Variants in ARB2A observed in about 807,000 individuals in gnomAD.
ARB2A encodes the protein cotranscriptional regulator ARB2A.
At chr5:93,699,721 G>A in the ARB2A span, among the ~76,000 whole-genome samples, 31 of 152,074 alleles carry the variant, frequency 2.0e-4, no homozygotes, top group East Asian at 5.4e-3. Flanking sequence ...GCGACTGCCA[G>A]TAAAGACAAC....
chr5:93,874,814 G>C, the ARB2A span, among the ~76,000 whole-genome samples: 1 of 152,102 alleles, frequency 6.6e-6, no homozygotes. Flanking sequence ...AGAAATTGCA[G>C]AATTGGTTGG....
chr5:94,075,322 C>T, the ARB2A span, among the ~76,000 whole-genome samples: 1 of 151,854 alleles, frequency 6.6e-6, no homozygotes, highest in Admixed American at 6.6e-5. Flanking sequence ...TTAAATGAAA[C>T]GATGTCATCA....
the ARB2A span, among the ~76,000 whole-genome samples, chr5:93,679,705 G>A: frequency 6.6e-6 from 1 of 152,020 alleles, no homozygotes; most frequent in Non-Finnish European, 1.5e-5. Flanking sequence ...AAGGGCACAT[G>A]CAAAAAATGT....
chr5:93,696,931 G>A, the ARB2A span, among the ~76,000 whole-genome samples: 4 of 151,756 alleles, frequency 2.6e-5, no homozygotes, highest in African/African-American at 7.3e-5. Context: ...GCATGATGGT[G>A]GGTGCCTGTG....
the ARB2A span, among the ~76,000 whole-genome samples, chr5:93,707,517 TTC>T: frequency 3.9e-5 from 6 of 151,954 alleles, no homozygotes; most frequent in African/African-American, 1.2e-4. Flanking sequence ...GGGTACAAAT[TTC>T]TCTGTTTAGT....
the ARB2A span, among the ~76,000 whole-genome samples, chr5:93,961,513 T>C: frequency 6.6e-6 from 1 of 152,146 alleles, no homozygotes; most frequent in African/African-American, 2.4e-5. Flanking sequence ...AGTGAGACCC[T>C]GTCTCTACAA....
the ARB2A span, among the ~76,000 whole-genome samples, chr5:93,720,760 G>T: frequency 3.3e-5 from 5 of 152,098 alleles, no homozygotes; most frequent in Non-Finnish European, 7.4e-5. Context: ...ATACCCATGA[G>T]ACTTTATTTC....
chr5:93,775,237 C>T, the ARB2A span, among the ~76,000 whole-genome samples: 2 of 152,032 alleles, frequency 1.3e-5, no homozygotes, highest in Non-Finnish European at 2.9e-5. Flanking sequence ...AACTATTCTC[C>T]AAATTATTTT....
the ARB2A span, among the ~76,000 whole-genome samples, chr5:93,961,512 C>T: frequency 6.6e-6 from 1 of 152,074 alleles, no homozygotes; most frequent in Admixed American, 6.6e-5. Flanking sequence ...TAGTGAGACC[C>T]TGTCTCTACA....
chr5:93,869,493 A>T, the ARB2A span, among the ~76,000 whole-genome samples: 4 of 152,234 alleles, frequency 2.6e-5, no homozygotes, highest in African/African-American at 9.6e-5. Flanking sequence ...AATAATAATT[A>T]TAATTACAAG....
At chr5:94,094,346 G>A in the ARB2A span, among the ~76,000 whole-genome samples, 2 of 152,142 alleles carry the variant, frequency 1.3e-5, no homozygotes, top group Non-Finnish European at 2.9e-5. Flanking sequence ...CCAGGAGAAT[G>A]GCCTCTCTGG....
the ARB2A span, chr5:94,111,633 AC>A: frequency 2.6e-5 from 4 of 152,170 alleles, no homozygotes; most frequent in Admixed American, 2.6e-4. Context: ...CCGCGCCCCG[AC>A]CAAGTTCGAG....
chr5:93,632,235 T>G, the ARB2A span, among the ~76,000 whole-genome samples: 1 of 151,630 alleles, frequency 6.6e-6, no homozygotes, highest in Admixed American at 6.6e-5. Flanking sequence ...GAGGATGAGG[T>G]GGGAAGGAGA....
the ARB2A span, among the ~76,000 whole-genome samples, chr5:93,965,579 G>C: frequency 6.6e-6 from 1 of 152,036 alleles, no homozygotes; most frequent in African/African-American, 2.4e-5. Flanking sequence ...GGAAGGCAAA[G>C]AGTAAGGAAA....
At chr5:94,016,450 T>C in the ARB2A span, among the ~76,000 whole-genome samples, 91 of 152,346 alleles carry the variant, frequency 6.0e-4, no homozygotes, top group African/African-American at 2.0e-3. Context: ...ATAAATAATG[T>C]AAACATGCAG....
chr5:93,774,796 A>T, the ARB2A span, among the ~76,000 whole-genome samples: 1 of 152,188 alleles, frequency 6.6e-6, no homozygotes, highest in Non-Finnish European at 1.5e-5. Context: ...AATCAACAAT[A>T]TATATTAAAT....
the ARB2A span, among the ~76,000 whole-genome samples, chr5:93,877,160 G>T: frequency 6.6e-6 from 1 of 152,074 alleles, no homozygotes; most frequent in African/African-American, 2.4e-5. Context: ...CAGAGGCTGG[G>T]TCTAATTCTT....
At chr5:93,812,728 T>G in the ARB2A span, among the ~76,000 whole-genome samples, 1 of 152,324 alleles carries the variant, frequency 6.6e-6, no homozygotes, top group African/African-American at 2.4e-5. Context: ...TATGCCTATT[T>G]GTGCCTACAT....
chr5:93,805,865 A>G, the ARB2A span: 1 of 985,152 alleles, frequency 1.0e-6, no homozygotes, highest in Non-Finnish European at 1.2e-6. Context: ...GTTCTTCCAC[A>G]TAGCTAAGCG....
Sources: allele counts gnomAD v4.1 joint callset (sites outside exome capture counted in the v4.1 genomes callset), GRCh38; gene constraint gnomAD v4.1.1; transcripts MANE v1.5; gene names NCBI Gene and HGNC (gene_info 2026-07-23, HGNC 2026-07-21).